The following PXK variants were observed in gnomAD, a reference collection of about 807,000 sequenced individuals.
PXK encodes the protein PX domain containing serine/threonine kinase like.
PXK carries 35 observed loss-of-function variants against 84.7 expected under a neutral mutation model. The ratio of observed to expected loss-of-function variants is 0.41; its 90% confidence interval spans 0.32 to 0.55. The LOEUF is 0.55. PXK is among the 20% of genes least tolerant of loss of function. PXK has a pLI of 0.21. For missense variants in PXK, 634 were observed against 699.7 expected, an observed-to-expected ratio of 0.91 and a Z score of 1.06; for synonymous variants, 253 against 260.8, an observed-to-expected ratio of 0.97 and a Z score of 0.29.
chr3:58,403,833 A>G, intron 12 of PXK, 29 bp from the exon 13 acceptor site: 1 of 1,489,272 alleles, frequency 6.7e-7, no homozygotes, highest in Admixed American at 1.8e-5. Flanking sequence ...GGTTCAAGAA[A>G]GATTTTTGTT....
chr3:58,366,058 A>G (rs2098267080), intron 2 of PXK, 134 bp downstream of exon 2: 1 of 776,434 alleles, frequency 1.3e-6, no homozygotes, highest in Non-Finnish European at 2.0e-6. Flanking sequence ...TTTTAGCTAT[A>G]AACTTTTAGC....
Position 58,371,095 on chromosome 3 carries a change from CT to C in PXK, c.201+1621del, listed in dbSNP as rs1256357801. On this transcript the variant is annotated intron_variant, in intron 3 of 17. Transcript: ENST00000356151. ...CTGAAAGCATGAATGCCTTGTTTTC[CT>C]TTTGAAGGAAGGGGCCTGAGTATCT... Among the ~76,000 whole-genome samples the C allele has an allele frequency of 5.3e-5, 8 of 152,312 alleles. No homozygotes were observed. In the South Asian group the frequency reaches 1.7e-3, roughly 32 times the overall value.
At chr3:58,378,910 TTTA>T (rs201664918) in intron 3 of PXK, among the ~76,000 whole-genome samples, 2,825 of 151,630 alleles carry the variant, frequency 0.019, 86 homozygotes, top group African/African-American at 0.064. Flanking sequence ...TTGGTAGCCC[TTTA>T]TTATTATTAT....
intron 17 of PXK, among the ~76,000 whole-genome samples, chr3:58,417,467 T>G (rs2061161218): frequency 6.6e-6 from 1 of 152,196 alleles, no homozygotes; most frequent in Non-Finnish European, 1.5e-5. Context: ...GGCCCCTCCC[T>G]TTTCTTACTG....
rs115796863 is a variant in PXK at position 58,345,888 on chromosome 3, A to T, written c.102+12798A>T. On this transcript the variant is annotated intron_variant, in intron 1 of 17. Coordinates refer to ENST00000356151, the MANE Select transcript of PXK (RefSeq NM_017771.5). ...CACCTTCTGGGGCACCTCGTTGTTC[A>T]TCCTCTTCCAGACTCTTAGTAACCC... is the stretch of plus-strand genomic sequence containing the variant. Among the ~76,000 whole-genome samples, 680 of 152,328 alleles carry T rather than the reference A, an allele frequency of 4.5e-3. 6 individuals are homozygous for T. The highest frequency in any genetic ancestry group is 0.015 in the African/African-American group (626 of 41,578).
intron 3 of PXK, among the ~76,000 whole-genome samples, chr3:58,375,578 C>T (rs1377521091): frequency 1.3e-5 from 2 of 152,284 alleles, no homozygotes; most frequent in Non-Finnish European, 2.9e-5. Flanking sequence ...AATCTATCCA[C>T]GACCAAGGCC....
At chr3:58,369,114 A>T (rs180823475) in intron 2 of PXK, among the ~76,000 whole-genome samples, 1 of 152,098 alleles carries the variant, frequency 6.6e-6, no homozygotes, top group Non-Finnish European at 1.5e-5. Context: ...TCATCTTTCT[A>T]GGTGCCTGGT....
chr3:58,425,177 A>C lies in PXK; in HGVS notation c.*217A>C. The C allele has an allele frequency of 1.5e-6, 1 of 655,148 alleles. No individual in the cohort carries two copies. Among genetic ancestry groups the C allele is most frequent in the Non-Finnish European group, 2.5e-6 (1 of 402,214 alleles). 40.6% of individuals were successfully genotyped at this position (655,148 alleles called of 1,614,324 possible). ...TGCTCCCTTAAGATCTTGCTCCTTT[A>C]TTAACCCTGTAAAGGAGTCTTGTTT... On this transcript the variant is annotated 3_prime_UTR_variant, in exon 18 of 18. Coordinates refer to ENST00000356151, the MANE Select transcript of PXK (RefSeq NM_017771.5).
rs142565667 is a variant in PXK at position 58,388,098 on chromosome 3, C to G, written c.389-2484C>G. On this transcript the variant is annotated intron_variant, in intron 4 of 17. Transcript: ENST00000356151. ...ATGTTTAGGACTGAAATGTGTTGCC[C>G]GAGTCTGGGGAAGGAGGGGGTTATT... Among the ~76,000 whole-genome samples, 40 of 152,114 alleles carry G rather than the reference C, an allele frequency of 2.6e-4. No individual in the cohort carries two copies. In the East Asian group the frequency reaches 6.4e-3, roughly 24 times the overall value.
At chr3:58,359,873 C>T (rs1026948065) in intron 1 of PXK, among the ~76,000 whole-genome samples, 1 of 152,162 alleles carries the variant, frequency 6.6e-6, no homozygotes, top group African/African-American at 2.4e-5. Flanking sequence ...TGAGGCTGGG[C>T]ATGGTAGCTC....
rs978695801 is a variant in PXK, at chr3:58,333,489, G to T, written c.102+399G>T. 4.4e-6 allele frequency: 2 copies of T among 454,954 alleles called. No individual in the cohort carries two copies. Among genetic ancestry groups the T allele is most frequent in the South Asian group, 3.1e-5 (2 of 64,470 alleles). 28.2% of individuals were successfully genotyped at this position (454,954 alleles called of 1,614,324 possible). A position where few individuals can be genotyped will look rare whatever the true frequency, so the allele number is the denominator to read the frequency against. Reference sequence around the variant, plus strand: ...CGCCAGCCTTTTCCTTTTTGAGGCCGTGTAATTTCCTCCTTGCAGCTGAGG... The same window carrying T: ...CGCCAGCCTTTTCCTTTTTGAGGCCTTGTAATTTCCTCCTTGCAGCTGAGG... On this transcript the variant is annotated intron_variant, in intron 1 of 17. Coordinates refer to ENST00000356151, the MANE Select transcript of PXK (RefSeq NM_017771.5). The surrounding 1 kb of genome is among the most constrained non-coding windows in gnomAD (Gnocchi z 5.4).
chr3:58,395,081 A>G lies in PXK; in HGVS notation c.699A>G (p.Thr233=), dbSNP rs1267992365. The change falls in exon 8 of 18, where the codon ACA becomes ACG. Residue 233 remains threonine (T), a synonymous_variant. Coordinates refer to ENST00000356151, the MANE Select transcript of PXK (RefSeq NM_017771.5). The part of the protein sequence containing the change: ...LLIRMFNEKG[T]LKDLIYKAKP... ...TTAGGATGTTTAACGAAAAGGGAAC[A>G]TTGAAGGATCTGATCTACAAGGTAC... The G allele has an allele frequency of 1.2e-6, 2 of 1,612,052 alleles. No individual in the cohort carries two copies. Among genetic ancestry groups the G allele is most frequent in the African/African-American group, 2.7e-5 (2 of 74,882 alleles).
rs945988262 is a variant in PXK at position 58,411,753 on chromosome 3, A to T, written c.1466-1148A>T. On this transcript the variant is annotated intron_variant, in intron 16 of 17. Transcript: ENST00000356151. This position sits in a 1 kb window ranked among gnomAD's most constrained non-coding sequence, Gnocchi z 4.2. ...GATGGATATATACAGATAATTCCCA[A>T]ACTTTACTGGAGTCAAGCAGTGAAG... Among the ~76,000 whole-genome samples, 2 of 152,160 alleles carry T rather than the reference A, an allele frequency of 1.3e-5. No individual in the cohort carries two copies. The highest frequency in any genetic ancestry group is 2.9e-5 in the Non-Finnish European group (2 of 68,018).
intron 1 of PXK, 144 bp from the exon 2 acceptor site, chr3:58,365,730 A>G: frequency 1.8e-6 from 1 of 567,818 alleles, no homozygotes; most frequent in Non-Finnish European, 3.0e-6. Context: ...GTTTTTATGT[A>G]ATGTCCCTTT....
At chr3:58,418,748 TTA>T (rs2061374866) in intron 17 of PXK, among the ~76,000 whole-genome samples, 1 of 152,222 alleles carries the variant, frequency 6.6e-6, no homozygotes, top group Non-Finnish European at 1.5e-5. Context: ...TGCTTGTAGT[TTA>T]TGTTTTAACC....
At position 58,424,940 on chromosome 3, in the gene PXK, A is replaced by G. The variant is rs529745852; in HGVS notation, c.1717A>G (p.Ser573Gly). 6.2e-7 allele frequency: 1 copy of G among 1,614,140 alleles called. No individual in the cohort carries two copies. The highest frequency in any genetic ancestry group is 1.1e-5 in the South Asian group (1 of 91,090). ...GAGGAAAGCCAAAACCTGTGATCAC[A>G]GTGCTCCGAAGATCGGCTGAAGCTT... Reference protein sequence around the residue: ...TLRKAKTCDHSAPKIG With the variant: ...TLRKAKTCDHGAPKIG The change falls in exon 18 of 18, where the codon AGT becomes GGT. Residue 573 changes from serine (S) to glycine (G), a missense_variant. This residue lies in a region of PXK where 273 missense variants were observed against 283.6 expected (regional missense o/e 0.96). Transcript: ENST00000356151.
intron 1 of PXK, among the ~76,000 whole-genome samples, chr3:58,349,924 G>C (rs2097891531): frequency 6.6e-6 from 1 of 152,132 alleles, no homozygotes; most frequent in African/African-American, 2.4e-5. Flanking sequence ...TGCAGCCATT[G>C]GGGTTTTGTG....
chr3:58,390,572 G>A lies in PXK; in HGVS notation c.389-10G>A. 6.2e-7 allele frequency: 1 copy of A among 1,611,424 alleles called. No individual in the cohort carries two copies. Among genetic ancestry groups the A allele is most frequent in the Non-Finnish European group, 8.5e-7 (1 of 1,178,294 alleles). ...TGTCTGACTAATGGGTTTCTAAAAT[G>A]TCTTTGCAGAGATTGCCTTGCAACA... On this transcript the variant is annotated splice_polypyrimidine_tract_variant and intron_variant, in intron 4 of 17. Coordinates refer to ENST00000356151, the MANE Select transcript of PXK (RefSeq NM_017771.5). The surrounding 1 kb of genome is among the most constrained non-coding windows in gnomAD (Gnocchi z 4.2).
At position 58,398,724 on chromosome 3, in the gene PXK, T is replaced by TGAGTAA. The variant is rs747437306; in HGVS notation, c.1103-575_1103-574insGAGTAA. On this transcript the variant is annotated intron_variant, in intron 11 of 17. Transcript: ENST00000356151. The surrounding 1 kb of genome is among the most constrained non-coding windows in gnomAD (Gnocchi z 4.5). Reference sequence around the variant, plus strand: ...CTCTTGGACCCCTGTGCCTTGGAGATACTCAAGTCCACCCTTCACCAAGCG... The same window carrying TGAGTAA: ...CTCTTGGACCCCTGTGCCTTGGAGATGAGTAAACTCAAGTCCACCCTTCACCAAGCG... 1.3e-5 allele frequency among the ~76,000 whole-genome samples: 2 copies of TGAGTAA among 152,154 alleles called. No individual in the cohort carries two copies. Among genetic ancestry groups the TGAGTAA allele is most frequent in the Non-Finnish European group, 2.9e-5 (2 of 68,028 alleles).
Sources: gnomAD v4.1 joint callset for allele counts (sites outside exome capture counted in the v4.1 genomes callset) on GRCh38, gnomAD v4.1.1 for gene constraint, gnomAD v4.1.1 regional missense constraint, Gnocchi (gnomAD v3.1) non-coding constraint, MANE v1.5 for transcripts, NCBI Gene and HGNC (gene_info 2026-07-23, HGNC 2026-07-21) for gene names.